Variants in HDAC9 observed in about 807,000 individuals in gnomAD.
HDAC9 encodes the protein histone deacetylase 9, also known as MEF-2 interacting transcription repressor (MITR) protein.
HDAC9 carries 41 observed loss-of-function variants against 139.4 expected under a neutral mutation model. That is an observed-to-expected ratio of 0.29 (90% CI 0.23 to 0.38). HDAC9 has a LOEUF of 0.38. Ranked by LOEUF, HDAC9 falls within the 10% of genes least tolerant of loss-of-function variation. The pLI, the probability that HDAC9 is intolerant of heterozygous loss-of-function variation, is 1.00. For missense variants in HDAC9, 1,147 were observed against 1,297.0 expected, an observed-to-expected ratio of 0.88 and a Z score of 1.78; for synonymous variants, 517 against 476.2, an observed-to-expected ratio of 1.09 and a Z score of -1.12.
chr7:18,379,017 A>T (rs1429431275), intron 1 of HDAC9, among the ~76,000 whole-genome samples: 1 of 152,192 alleles, frequency 6.6e-6, no homozygotes, highest in Non-Finnish European at 1.5e-5. Context: ...TACCTAAAAA[A>T]ATCATTATTC....
intron 1 of HDAC9, among the ~76,000 whole-genome samples, chr7:18,153,507 C>T (rs537064269): frequency 2.0e-5 from 3 of 152,194 alleles, no homozygotes; most frequent in South Asian, 2.1e-4. Context: ...AAGACTTGGC[C>T]CTCTACCAGC....
At chr7:18,991,366 C>T (rs528407275) in intron 25 of HDAC9, among the ~76,000 whole-genome samples, 11 of 152,268 alleles carry the variant, frequency 7.2e-5, no homozygotes, top group African/African-American at 9.6e-5. Context: ...TCAGGCTGGG[C>T]ACAGTGGCTC....
At chr7:18,461,155 A>T (rs1793813095) in intron 1 of HDAC9, among the ~76,000 whole-genome samples, 1 of 152,198 alleles carries the variant, frequency 6.6e-6, no homozygotes. Flanking sequence ...TTTCTCTCAG[A>T]CATACGCAGA....
intron 1 of HDAC9, among the ~76,000 whole-genome samples, chr7:18,467,869 T>C (rs1420852716): frequency 6.6e-6 from 1 of 152,182 alleles, no homozygotes; most frequent in East Asian, 1.9e-4. Flanking sequence ...TATATATCCT[T>C]GCCTTCCTCT....
intron 2 of HDAC9, among the ~76,000 whole-genome samples, chr7:18,552,048 C>G (rs558209744): frequency 6.6e-6 from 1 of 152,214 alleles, no homozygotes; most frequent in African/African-American, 2.4e-5. Flanking sequence ...AAAGATTAAG[C>G]ATTTGGCTTG....
chr7:18,696,370 A>G (rs1783043406), intron 12 of HDAC9, among the ~76,000 whole-genome samples: 1 of 148,370 alleles, frequency 6.7e-6, no homozygotes, highest in Non-Finnish European at 1.5e-5. Context: ...TGTTATAATT[A>G]TATAGTATAA....
chr7:18,472,474 A>G (rs908170415), intron 1 of HDAC9, among the ~76,000 whole-genome samples: 31 of 152,292 alleles, frequency 2.0e-4, no homozygotes, highest in African/African-American at 7.5e-4. Flanking sequence ...GCAGTCTGCA[A>G]CTACTGACAG....
chr7:18,588,636 T>A (rs1830095303), intron 3 of HDAC9, among the ~76,000 whole-genome samples: 1 of 152,132 alleles, frequency 6.6e-6, no homozygotes, highest in Non-Finnish European at 1.5e-5. Context: ...TGTTGCTGAG[T>A]CTGAATGTGA....
intron 22 of HDAC9, among the ~76,000 whole-genome samples, chr7:18,912,671 C>T (rs370052223): frequency 7.9e-5 from 12 of 152,090 alleles, no homozygotes; most frequent in Middle Eastern, 3.4e-3. Context: ...ATCAAAGCAT[C>T]GTCTGCTCTG....
chr7:18,813,443 A>G (rs1357551345), intron 17 of HDAC9, among the ~76,000 whole-genome samples: 1 of 152,056 alleles, frequency 6.6e-6, no homozygotes, highest in Non-Finnish European at 1.5e-5. Flanking sequence ...CATATTTGAG[A>G]GGGGTGTTGA....
chr7:18,889,081 T>C (rs1425083780), intron 22 of HDAC9, among the ~76,000 whole-genome samples: 1 of 152,208 alleles, frequency 6.6e-6, no homozygotes, highest in Non-Finnish European at 1.5e-5. Flanking sequence ...TTACCACACG[T>C]GATGTCTATG....
At chr7:18,989,459 C>T (rs1005708727) in intron 25 of HDAC9, among the ~76,000 whole-genome samples, 61 of 151,460 alleles carry the variant, frequency 4.0e-4, no homozygotes, top group Middle Eastern at 3.4e-3. Flanking sequence ...GAGGGTAACC[C>T]GACCTTTCTC....
intron 23 of HDAC9, among the ~76,000 whole-genome samples, chr7:18,944,612 A>G (rs1396010113): frequency 1.3e-5 from 2 of 152,150 alleles, no homozygotes; most frequent in African/African-American, 4.8e-5. Flanking sequence ...TGTACAACTC[A>G]ATGAAATATC....
chr7:18,188,200 C>T (rs781466242), intron 2 of HDAC9, among the ~76,000 whole-genome samples: 2 of 152,146 alleles, frequency 1.3e-5, no homozygotes, highest in Non-Finnish European at 1.5e-5. Flanking sequence ...CACCACACAT[C>T]TACAACCATC....
intron 1 of HDAC9, among the ~76,000 whole-genome samples, chr7:18,108,594 C>G (rs986553612): frequency 1.4e-5 from 2 of 147,876 alleles, no homozygotes; most frequent in South Asian, 4.3e-4. Context: ...ATGTTGAGAG[C>G]ATTTTACACT....
chr7:18,733,357 C>G (rs1180293336), intron 13 of HDAC9, among the ~76,000 whole-genome samples: 1 of 149,006 alleles, frequency 6.7e-6, no homozygotes, highest in African/African-American at 2.5e-5. Flanking sequence ...GTATGTATGC[C>G]TGTGTTAAGG....
intron 22 of HDAC9, among the ~76,000 whole-genome samples, chr7:18,918,652 G>A (rs944880918): frequency 4.0e-5 from 6 of 151,840 alleles, no homozygotes; most frequent in Non-Finnish European, 7.4e-5. Flanking sequence ...ATACTCTTGG[G>A]TAATGCATTC....
chr7:18,121,378 T>TG (rs149068472), intron 1 of HDAC9, among the ~76,000 whole-genome samples: 2,625 of 152,158 alleles, frequency 0.017, 70 homozygotes, highest in African/African-American at 0.06. Context: ...TCTGGAGACT[T>TG]GTGGCAGCAG....
At chr7:18,946,291 T>C (rs1377537147) in intron 23 of HDAC9, among the ~76,000 whole-genome samples, 2 of 152,196 alleles carry the variant, frequency 1.3e-5, no homozygotes, top group East Asian at 3.9e-4. Context: ...CACTGCATTT[T>C]TATATAAAAT....
Sources: gnomAD v4.1 joint callset for allele counts (sites outside exome capture counted in the v4.1 genomes callset) on GRCh38, gnomAD v4.1.1 for gene constraint, MANE v1.5 for transcripts, NCBI Gene and HGNC (gene_info 2026-07-23, HGNC 2026-07-21) for gene names.